PCDHGA1: variants seen among roughly 807,000 people sequenced by gnomAD.
PCDHGA1 encodes protocadherin gamma subfamily A, 1.
PCDHGA1 carries 32 observed loss-of-function variants against 58.0 expected under a neutral mutation model. That is an observed-to-expected ratio of 0.55 (90% CI 0.42 to 0.74). The LOEUF (loss-of-function observed/expected upper bound fraction) is 0.74. Ranked by LOEUF, PCDHGA1 falls within the 30% of genes least tolerant of loss-of-function variation. The pLI, the probability that PCDHGA1 is intolerant of heterozygous loss-of-function variation, is 0.00. For synonymous variants in PCDHGA1, 498 were observed against 501.1 expected (o/e 0.99, Z 0.08); for missense variants, 1,205 against 1,182.3 (o/e 1.02, Z -0.28).
chr5:141,384,580 G>T, intron 1 of PCDHGA1: 1 of 1,614,196 alleles, frequency 6.2e-7, no homozygotes, highest in Non-Finnish European at 8.5e-7. Flanking sequence ...CAACCCGCCC[G>T]AGATCCTGTA....
chr5:141,384,606 A>G (rs770325322), intron 1 of PCDHGA1: 1 of 1,614,152 alleles, frequency 6.2e-7, no homozygotes, highest in Admixed American at 1.7e-5. Context: ...CCCTCCCCAC[A>G]GATGGTTCTA....
chr5:141,352,903 G>C (rs1759139944), intron 1 of PCDHGA1, among the ~76,000 whole-genome samples: 1 of 152,138 alleles, frequency 6.6e-6, no homozygotes, highest in South Asian at 2.1e-4. Flanking sequence ...CAGGAGGATC[G>C]CTTGAGCCCG....
At chr5:141,400,533 C>T in intron 1 of PCDHGA1, 11 of 1,613,902 alleles carry the variant, frequency 6.8e-6, no homozygotes, top group Non-Finnish European at 9.3e-6. Context: ...TGGTGAGTTT[C>T]ATTTATGTCT....
chr5:141,508,714 G>A (rs775462794), intron 3 of PCDHGA1, among the ~76,000 whole-genome samples: 16 of 151,880 alleles, frequency 1.1e-4, no homozygotes, highest in Admixed American at 2.0e-4. Context: ...ATTCTTTTCT[G>A]TGTGCAGGGA....
chr5:141,338,590 A>G (rs958320702), intron 1 of PCDHGA1, among the ~76,000 whole-genome samples: 4 of 152,226 alleles, frequency 2.6e-5, no homozygotes, highest in African/African-American at 4.8e-5. Context: ...GTTTTGAAAG[A>G]TCTAATTCTA....
At chr5:141,461,409 A>G (rs572412049) in intron 1 of PCDHGA1, among the ~76,000 whole-genome samples, 1 of 151,928 alleles carries the variant, frequency 6.6e-6, no homozygotes, top group East Asian at 1.9e-4. Flanking sequence ...GCATTTTTTC[A>G]TATGTTTGTG....
intron 1 of PCDHGA1, chr5:141,410,555 C>G: frequency 1.2e-6 from 2 of 1,613,202 alleles, no homozygotes; most frequent in Non-Finnish European, 1.7e-6. Flanking sequence ...CAGTGTTTCT[C>G]CTGGAGCCTT....
At chr5:141,405,206 A>G in intron 1 of PCDHGA1, 1 of 1,613,648 alleles carries the variant, frequency 6.2e-7, no homozygotes, top group Non-Finnish European at 8.5e-7. Flanking sequence ...TTTCCTACAG[A>G]CCTATTCTCA....
At position 141,332,142 on chromosome 5, in the gene PCDHGA1, A is replaced by G. The variant is rs1403382934; in HGVS notation, c.1458A>G (p.Gln486=). 7 of 1,614,016 alleles carry G rather than the reference A, an allele frequency of 4.3e-6. No individual in the cohort carries two copies. The highest frequency in any genetic ancestry group is 5.9e-6 in the Non-Finnish European group (7 of 1,180,026). The change falls in exon 1 of 4, where the codon CAA becomes CAG. Residue 486 remains glutamine (Q), a synonymous_variant. Coordinates refer to ENST00000517417, the MANE Select transcript of PCDHGA1 (RefSeq NM_018912.3). This position sits in a 1 kb window ranked among gnomAD's most constrained non-coding sequence, Gnocchi z 4.6. The part of the protein sequence containing the change: ...AHDLDSNENA[Q]ITYSLIEDTI... ...ACTTGGACAGCAATGAGAATGCACAAATCACTTACTCCCTAATAGAGGACA... is the reference window on the plus strand; with the variant it reads ...ACTTGGACAGCAATGAGAATGCACAGATCACTTACTCCCTAATAGAGGACA...
chr5:141,393,899 C>T, intron 1 of PCDHGA1: 1 of 1,613,932 alleles, frequency 6.2e-7, no homozygotes, highest in Non-Finnish European at 8.5e-7. Context: ...ATTCTCTTCC[C>T]GGGACAGTAA....
chr5:141,414,351 G>C (rs771256149), intron 1 of PCDHGA1: 2 of 1,613,676 alleles, frequency 1.2e-6, no homozygotes, highest in Non-Finnish European at 1.7e-6. Context: ...CCATTTTGGC[G>C]TATCTACCAT....
At chr5:141,406,002 A>G (rs1348687108) in intron 1 of PCDHGA1, among the ~76,000 whole-genome samples, 1 of 151,598 alleles carries the variant, frequency 6.6e-6, no homozygotes, top group Non-Finnish European at 1.5e-5. Flanking sequence ...CTCAGCCTGC[A>G]TTGATGTGGG....
At chr5:141,464,218 T>C (rs1464478430) in intron 1 of PCDHGA1, among the ~76,000 whole-genome samples, 1 of 150,958 alleles carries the variant, frequency 6.6e-6, no homozygotes, top group Non-Finnish European at 1.5e-5. Flanking sequence ...TGAGCTGAGA[T>C]TGCGCCACTG....
chr5:141,418,123 C>A (rs1049456676), intron 1 of PCDHGA1: 8 of 1,613,914 alleles, frequency 5.0e-6, no homozygotes, highest in Admixed American at 3.3e-5. Flanking sequence ...TTGTGAAGGA[C>A]CGAATAGACC....
At chr5:141,362,746 G>A (rs1247089931) in intron 1 of PCDHGA1, 1 of 702,364 alleles carries the variant, frequency 1.4e-6, no homozygotes, top group East Asian at 2.7e-5. Flanking sequence ...ACCCATGATT[G>A]CAAACCTTTA....
chr5:141,366,731 AAAG>A (rs745983303), intron 1 of PCDHGA1: 28 of 1,613,012 alleles, frequency 1.7e-5, no homozygotes, highest in Non-Finnish European at 2.1e-5. Flanking sequence ...AGATGCAAAC[AAAG>A]AAGAACGGCG....
At position 141,422,169 on chromosome 5, in the gene PCDHGA1, A is replaced by G. The variant is rs1386896405; in HGVS notation, c.2422-72638A>G. 2.6e-6 allele frequency: 4 copies of G among 1,563,898 alleles called. No homozygotes were observed. In the South Asian group the frequency reaches 4.9e-5, roughly 19 times the overall value. On this transcript the variant is annotated intron_variant, in intron 1 of 3. Coordinates refer to ENST00000517417, the MANE Select transcript of PCDHGA1 (RefSeq NM_018912.3). ...GGTCTCTGGATTTTGAAAAATATAG[A>G]TTCTATGAGATGGAAATTCAAGGCC...
At chr5:141,471,786 A>G (rs1043196530) in intron 1 of PCDHGA1, among the ~76,000 whole-genome samples, 6 of 152,244 alleles carry the variant, frequency 3.9e-5, no homozygotes, top group African/African-American at 1.4e-4. Flanking sequence ...ACATTATGCT[A>G]TGTCATATAA....
At chr5:141,356,635 C>G (rs1308841461) in intron 1 of PCDHGA1, 13 of 1,614,022 alleles carry the variant, frequency 8.1e-6, no homozygotes, top group Non-Finnish European at 1.1e-5. Flanking sequence ...TGCTCAAGAC[C>G]CTGACAGTGG....
Sources: allele counts gnomAD v4.1 joint callset (sites outside exome capture counted in the v4.1 genomes callset), GRCh38; gene constraint gnomAD v4.1.1; non-coding constraint Gnocchi (gnomAD v3.1); transcripts MANE v1.5; gene names NCBI Gene and HGNC (gene_info 2026-07-23, HGNC 2026-07-21).